The following PGF variants were observed in gnomAD, a reference collection of about 807,000 sequenced individuals.
The protein encoded by PGF is placenta growth factor.
PGF carries 11 observed loss-of-function variants against 25.3 expected under a neutral mutation model. The observed-to-expected ratio is 0.43, with a 90% CI of 0.27 to 0.72. The LOEUF is 0.72. PGF is among the 30% of genes least tolerant of loss of function. The probability of loss-of-function intolerance (pLI) is 0.18; values close to 1 mark genes in which losing one functional copy is unlikely to be tolerated. For synonymous variants in PGF, 105 were observed against 97.9 expected (o/e 1.07, Z -0.43); for missense variants, 230 against 234.9 (o/e 0.98, Z 0.14).
At chr14:74,952,541 T>A (rs1888895813) in intron 2 of PGF, among the ~76,000 whole-genome samples, 1 of 152,200 alleles carries the variant, frequency 6.6e-6, no homozygotes, top group South Asian at 2.1e-4. Flanking sequence ...TGCCTAACAT[T>A]GTTACCGTGA....
chr14:74,951,661 G>A (rs1047232241), intron 2 of PGF, among the ~76,000 whole-genome samples: 3 of 152,214 alleles, frequency 2.0e-5, no homozygotes, highest in Non-Finnish European at 2.9e-5. Context: ...CTGGGCCTCG[G>A]CAGCAGAAGA....
chr14:74,954,581 C>T (rs1192646938), intron 1 of PGF, among the ~76,000 whole-genome samples: 3 of 152,160 alleles, frequency 2.0e-5, no homozygotes, highest in African/African-American at 4.8e-5. Flanking sequence ...CAGACTCACC[C>T]GGCTCCTGGG....
chr14:74,946,624 G>A, intron 4 of PGF: 1 of 636,050 alleles, frequency 1.6e-6, no homozygotes, highest in South Asian at 1.8e-5. Flanking sequence ...ACCACGAGAG[G>A]GACAAATCAA....
intron 3 of PGF, among the ~76,000 whole-genome samples, chr14:74,948,784 C>G (rs542960860): frequency 4.6e-5 from 7 of 152,150 alleles, no homozygotes; most frequent in Admixed American, 1.3e-4. Context: ...CCTCCCTGCC[C>G]GGGAGCACTA....
chr14:74,942,066 G>C lies in PGF; in HGVS notation c.*640C>G, dbSNP rs1312105618. On this transcript the variant is annotated 3_prime_UTR_variant, in exon 7 of 7. Coordinates refer to ENST00000555567, the MANE Select transcript of PGF (RefSeq NM_002632.6). Reference sequence around the variant, plus strand: ...CCCACTCTGTATGTGTCTCTTAGGGGGGGCAGGGTGGTGGCACCTTGGCCG... The same window carrying C: ...CCCACTCTGTATGTGTCTCTTAGGGCGGGCAGGGTGGTGGCACCTTGGCCG... The C allele has an allele frequency of 6.5e-6, 1 of 153,110 alleles. No homozygotes were observed. Among genetic ancestry groups the C allele is most frequent in the East Asian group, 1.9e-4 (1 of 5,202 alleles). The allele number at this position is 153,110 out of a possible 1,614,324, so 9.5% of individuals were successfully genotyped here.
In PGF at chr14:74,955,320, G is replaced by A. The variant is rs1888963342; in HGVS notation, c.-78C>T. ...CCCCCGGGGAGCCCCTGGCACAGGA[G>A]GAGAAGAGCTGAGTGGGGGGCTGGA... On this transcript the variant is annotated 5_prime_UTR_variant, in exon 1 of 7. Coordinates refer to ENST00000555567, the MANE Select transcript of PGF (RefSeq NM_002632.6). This position sits in a 1 kb window ranked among gnomAD's most constrained non-coding sequence, Gnocchi z 4.1. 6 of 878,244 alleles carry A rather than the reference G, an allele frequency of 6.8e-6. No individual in the cohort carries two copies. The highest frequency in any genetic ancestry group is 8.0e-6 in the Non-Finnish European group (5 of 622,350). The allele number at this position is 878,244 out of a possible 1,614,324, so 54.4% of individuals were successfully genotyped here.
intron 6 of PGF, chr14:74,945,946 C>T: frequency 1.9e-6 from 1 of 516,152 alleles, no homozygotes; most frequent in Non-Finnish European, 3.5e-6. Context: ...GACCTCCTGC[C>T]CCTCATTCTA....
rs1276491200 is a variant in PGF, at chr14:74,955,238, G to C, written c.5C>G (p.Pro2Arg). 5 of 1,470,960 alleles carry C rather than the reference G, an allele frequency of 3.4e-6. No homozygotes were observed. Among genetic ancestry groups the C allele is most frequent in the South Asian group, 1.3e-5 (1 of 75,268 alleles). 91.1% of individuals were successfully genotyped at this position (1,470,960 alleles called of 1,614,324 possible). A position where few individuals can be genotyped will look rare whatever the true frequency, so the allele number is the denominator to read the frequency against. Reference protein sequence around the residue: MPVMRLFPCFLQ... With the variant: MRVMRLFPCFLQ... ...GAAGCAAGGGAACAGCCTCATGACC[G>C]GCATCTTCTCAGACGTCCCGAGCCA... Residue 2 changes from proline to arginine, a missense_variant, in exon 1 of 7, where the codon CCG (proline) becomes CGG (arginine). By Grantham distance (103) the Pro-to-Arg change is moderately radical (BLOSUM62 -2). Transcript: ENST00000555567. This position sits in a 1 kb window ranked among gnomAD's most constrained non-coding sequence, Gnocchi z 4.1.
Position 74,955,564 on chromosome 14 carries a change from A to G in PGF, c.-322T>C. 1 of 279,068 alleles carries G rather than the reference A, an allele frequency of 3.6e-6. No homozygotes were observed. The highest frequency in any genetic ancestry group is 6.7e-6 in the Non-Finnish European group (1 of 149,986). The allele number at this position is 279,068 out of a possible 1,614,324, so 17.3% of individuals were successfully genotyped here. Reference sequence around the variant, plus strand: ...CCCGTAGCTGGGCGGCCGTCCGTCGATGCAGTTTCCTCCGCAGACAGCAGC... The same window carrying G: ...CCCGTAGCTGGGCGGCCGTCCGTCGGTGCAGTTTCCTCCGCAGACAGCAGC... On this transcript the variant is annotated 5_prime_UTR_variant, in exon 1 of 7. Coordinates refer to ENST00000555567, the MANE Select transcript of PGF (RefSeq NM_002632.6). The surrounding 1 kb of genome is among the most constrained non-coding windows in gnomAD (Gnocchi z 4.1).
rs555854376 is a variant in PGF at position 74,944,195 on chromosome 14, C to T, written c.486-1462G>A. Among the ~76,000 whole-genome samples the T allele has an allele frequency of 1.7e-3, 263 of 151,384 alleles. 1 individual carries two copies. Among genetic ancestry groups the T allele is most frequent in the African/African-American group, 5.6e-3 (229 of 41,148 alleles). On this transcript the variant is annotated intron_variant, in intron 6 of 6. Coordinates refer to ENST00000555567, the MANE Select transcript of PGF (RefSeq NM_002632.6). ...TCGGCTCACTGCAAGTTCCGCCTCC[C>T]GGGTTCATGCCATTCTCCTGCCTCA... is the stretch of plus-strand genomic sequence containing the variant.
chr14:74,946,365 G>C lies in PGF; in HGVS notation c.422+14C>G, dbSNP rs182766382. 4.9e-3 allele frequency: 7,837 copies of C among 1,613,428 alleles called. 42 individuals are homozygous for C. The highest frequency in any genetic ancestry group is 6.0e-3 in the Non-Finnish European group (7,090 of 1,179,514). ...GGCCCGAGAATAGCCCCGAGCCCCAGCCAAACCACTTACCTTTCCGGCTTC... is the reference window on the plus strand; with the variant it reads ...GGCCCGAGAATAGCCCCGAGCCCCACCCAAACCACTTACCTTTCCGGCTTC... On this transcript the variant is annotated intron_variant, in intron 5 of 6. Coordinates refer to ENST00000555567, the MANE Select transcript of PGF (RefSeq NM_002632.6).
Position 74,950,095 on chromosome 14 carries a change from C to T in PGF, c.119-542G>A, listed in dbSNP as rs1362378816. On this transcript the variant is annotated intron_variant, in intron 2 of 6. Transcript: ENST00000555567. The surrounding 1 kb of genome is among the most constrained non-coding windows in gnomAD (Gnocchi z 4.1). The stretch of plus-strand genomic sequence containing the variant: ...CCTCCTCTCCACTGAGTCCAACCAG[C>T]GCTCACACTGAGCCACGGCAGCACC... 6.6e-6 allele frequency among the ~76,000 whole-genome samples: 1 copy of T among 152,174 alleles called. No individual in the cohort carries two copies. Among genetic ancestry groups the T allele is most frequent in the Non-Finnish European group, 1.5e-5 (1 of 68,028 alleles).
rs148462313 is a variant in PGF, at chr14:74,952,586, C to T, written c.118+1318G>A. 9.8e-4 allele frequency among the ~76,000 whole-genome samples: 150 copies of T among 152,334 alleles called. 1 individual carries two copies. The highest frequency in any genetic ancestry group is 3.3e-3 in the African/African-American group (137 of 41,572). On this transcript the variant is annotated intron_variant, in intron 2 of 6. Transcript: ENST00000555567. ...GTAAAAATCAATGCCCATGGCTGGC[C>T]ATGCTGTCTCTGGCTGTGGTGTTAA...
In PGF at chr14:74,948,580, G is replaced by T. The variant is rs754766352; in HGVS notation, c.319C>A (p.Leu107Ile). The change falls in exon 4 of 7, where the codon CTA (leucine) becomes ATA (isoleucine). Residue 107 changes from leucine (L) to isoleucine (I), a missense_variant. Leu to Ile is a conservative substitution (Grantham distance 5, BLOSUM62 2). Transcript: ENST00000555567. ...GGCCGGTCCCCAGAACGGATCTTTA[G>T]GAGCTGAAGGAAGAAAGAGTTGATG... ...VETANVTMQL[L>I]KIRSGDRPSY... The T allele has an allele frequency of 1.3e-6, 2 of 1,598,134 alleles. No homozygotes were observed. The highest frequency in any genetic ancestry group is 1.7e-5 in the Admixed American group (1 of 59,230).
intron 6 of PGF, 110 bp downstream of exon 6, chr14:74,946,103 A>G (rs1000517901): frequency 6.6e-6 from 6 of 916,000 alleles, no homozygotes; most frequent in Non-Finnish European, 1.0e-5. Flanking sequence ...TTCTGCCCCC[A>G]AGACTGGCCT....
chr14:74,948,391 G>T, intron 4 of PGF, 116 bp downstream of exon 4: 1 of 582,028 alleles, frequency 1.7e-6, no homozygotes, highest in Admixed American at 3.3e-5. Flanking sequence ...CTGGAAAAAA[G>T]TTCAGCCCGC....
At chr14:74,948,822 C>T (rs1167236953) in intron 3 of PGF, among the ~76,000 whole-genome samples, 2 of 152,208 alleles carry the variant, frequency 1.3e-5, no homozygotes, top group Non-Finnish European at 2.9e-5. Flanking sequence ...GAAGGGGGCT[C>T]ATGTTCTGGA....
At chr14:74,954,137 C>A in intron 1 of PGF, 191 bp from the exon 2 acceptor site, 1 of 598,006 alleles carries the variant, frequency 1.7e-6, no homozygotes. Context: ...AGGTCCCACC[C>A]CTCTCTGGCC....
rs766285875 is a variant in PGF, at chr14:74,953,979, G to A, written c.76-33C>T. The A allele has an allele frequency of 1.1e-5, 18 of 1,611,364 alleles. No individual in the cohort carries two copies. The highest frequency in any genetic ancestry group is 1.5e-5 in the Non-Finnish European group (18 of 1,178,098). ...CAGAAAAGTGCAGAGGTGAGCTGGG[G>A]GTACCTTGGAGCTCTGCACTCTTGG... is the stretch of plus-strand genomic sequence containing the variant. On this transcript the variant is annotated intron_variant, in intron 1 of 6. Coordinates refer to ENST00000555567, the MANE Select transcript of PGF (RefSeq NM_002632.6). The surrounding 1 kb of genome is among the most constrained non-coding windows in gnomAD (Gnocchi z 5.4).
Sources: allele counts gnomAD v4.1 joint callset (sites outside exome capture counted in the v4.1 genomes callset), GRCh38; gene constraint gnomAD v4.1.1; non-coding constraint Gnocchi (gnomAD v3.1); transcripts MANE v1.5; gene names NCBI Gene and HGNC (gene_info 2026-07-23, HGNC 2026-07-21).